Variants in SLC4A10 observed in about 807,000 individuals in gnomAD.
SLC4A10 encodes sodium-driven chloride bicarbonate exchanger.
Under a neutral mutation model 137.7 loss-of-function variants are expected in SLC4A10, and 42 were observed. That is an observed-to-expected ratio of 0.30 (90% CI 0.24 to 0.39). The LOEUF (loss-of-function observed/expected upper bound fraction) is 0.39. Among genes scored for constraint, SLC4A10 ranks in the 10% least tolerant of loss-of-function variants. The pLI, the probability that SLC4A10 is intolerant of heterozygous loss-of-function variation, is 1.00. For synonymous variants in SLC4A10, 474 were observed against 464.1 expected (o/e 1.02, Z -0.27); for missense variants, 925 against 1,355.0 (o/e 0.68, Z 4.98).
Position 161,855,213 on chromosome 2 carries a change from T to C in SLC4A10, c.577+83T>C, listed in dbSNP as rs534588408. On this transcript the variant is annotated intron_variant, in intron 5 of 26. Transcript: ENST00000446997. ...TTTTCCTTATAATTCAATATACGTA[T>C]GAACTTTGGAAAACTAATTCTCATA... 4.6e-5 allele frequency: 61 copies of C among 1,336,718 alleles called. 1 individual carries two copies. In the South Asian group the frequency reaches 9.3e-4, roughly 20 times the overall value. The allele number at this position is 1,336,718 out of a possible 1,614,324, so 82.8% of individuals were successfully genotyped here.
intron 21 of SLC4A10, among the ~76,000 whole-genome samples, chr2:161,963,689 CTG>C (rs1697114595): frequency 6.6e-6 from 1 of 152,038 alleles, no homozygotes; most frequent in Non-Finnish European, 1.5e-5. Context: ...ATTAGCAAGT[CTG>C]TGAAAGTCAA....
intron 14 of SLC4A10, 142 bp downstream of exon 14, chr2:161,905,051 A>C (rs914278509): frequency 2.6e-6 from 2 of 763,736 alleles, no homozygotes; most frequent in African/African-American, 3.5e-5. Flanking sequence ...TTGCTTCATC[A>C]TGGGAATAGA....
At chr2:161,859,594 C>CTTTTCTTTTTTTTTTTTTTTTTTTTTTT (rs2060300861) in intron 5 of SLC4A10, among the ~76,000 whole-genome samples, 1 of 47,280 alleles carries the variant, frequency 2.1e-5, no homozygotes, top group East Asian at 8.3e-4. Context: ...CTTTTCTTTT[C>CTTTTCTTTTTTTTTTTTTTTTTTTTTTT]TTTTTTTTTT....
At chr2:161,882,579 T>TA (rs1156623374) in intron 10 of SLC4A10, 135 bp downstream of exon 10, 2 of 479,142 alleles carry the variant, frequency 4.2e-6, no homozygotes, top group African/African-American at 2.0e-5. Flanking sequence ...GCTTCTGCTA[T>TA]AAAATCTCCT....
At chr2:161,824,221 G>A (rs1477612042) in intron 3 of SLC4A10, among the ~76,000 whole-genome samples, 2 of 152,108 alleles carry the variant, frequency 1.3e-5, no homozygotes, top group African/African-American at 4.8e-5. Flanking sequence ...GGTTTTGTAA[G>A]GACCTTTAAG....
At chr2:161,709,456 A>G (rs2044049034) in intron 1 of SLC4A10, among the ~76,000 whole-genome samples, 1 of 151,572 alleles carries the variant, frequency 6.6e-6, no homozygotes, top group Admixed American at 6.6e-5. Context: ...AGATCTATTG[A>G]AATATTGATG....
At chr2:161,921,344 T>C (rs1688093600) in intron 15 of SLC4A10, among the ~76,000 whole-genome samples, 1 of 152,138 alleles carries the variant, frequency 6.6e-6, no homozygotes. Flanking sequence ...TTAAAAGTTC[T>C]AATAAGTTTT....
At chr2:161,844,983 C>A (rs2059404690) in intron 4 of SLC4A10, among the ~76,000 whole-genome samples, 1 of 152,116 alleles carries the variant, frequency 6.6e-6, no homozygotes. Context: ...TCCCTCACAT[C>A]TCATTCATGC....
chr2:161,767,017 T>A (rs1574855025), intron 1 of SLC4A10, among the ~76,000 whole-genome samples: 1 of 145,830 alleles, frequency 6.9e-6, no homozygotes, highest in African/African-American at 2.5e-5. Flanking sequence ...GTATCTATAA[T>A]CCTTTACCTG....
chr2:161,893,093 T>C (rs758196296), intron 10 of SLC4A10, among the ~76,000 whole-genome samples: 4 of 152,084 alleles, frequency 2.6e-5, no homozygotes, highest in Non-Finnish European at 5.9e-5. Context: ...AAGTCACACA[T>C]TGGTACTCAT....
At position 161,804,547 on chromosome 2, in the gene SLC4A10, A is replaced by G; in HGVS notation, c.229A>G (p.Arg77Gly). 6.2e-7 allele frequency: 1 copy of G among 1,613,088 alleles called. No individual in the cohort carries two copies. The highest frequency in any genetic ancestry group is 8.5e-7 in the Non-Finnish European group (1 of 1,179,386). The part of the protein sequence containing the change: ...HRGHKHRKRD[R>G]ERDSGLEDGR... Reference sequence around the variant, plus strand: ...TGGTCATAAACACAGAAAGAGAGACAGAGAAAGAGATTCAGGATTAGAGGA... The same window carrying G: ...TGGTCATAAACACAGAAAGAGAGACGGAGAAAGAGATTCAGGATTAGAGGA... The change falls in exon 3 of 27, where the codon AGA becomes GGA. Residue 77 changes from arginine (R) to glycine (G), a missense_variant. Physicochemically the swap from Arg to Gly is moderately radical, Grantham distance 125. Coordinates refer to ENST00000446997, the MANE Select transcript of SLC4A10 (RefSeq NM_001178015.2).
intron 2 of SLC4A10, among the ~76,000 whole-genome samples, chr2:161,771,412 G>C (rs998746076): frequency 5.9e-5 from 9 of 151,946 alleles, no homozygotes; most frequent in East Asian, 1.9e-4. Flanking sequence ...AGGACAGGAG[G>C]GGGAGGGGCA....
At chr2:161,645,199 C>T (rs1024158610) in intron 1 of SLC4A10, among the ~76,000 whole-genome samples, 3 of 147,124 alleles carry the variant, frequency 2.0e-5, no homozygotes, top group South Asian at 2.2e-4. Context: ...TTGACATCCA[C>T]GTGTTGGAAG....
intron 1 of SLC4A10, among the ~76,000 whole-genome samples, chr2:161,723,423 G>C (rs1190683965): frequency 6.6e-6 from 1 of 152,146 alleles, no homozygotes; most frequent in Non-Finnish European, 1.5e-5. Flanking sequence ...GAAGGTGCAG[G>C]ATTCACTTGT....
rs891260212 is a variant in SLC4A10 at position 161,982,897 on chromosome 2, T to C, written c.*27-282T>C. Among the ~76,000 whole-genome samples the C allele has an allele frequency of 2.0e-5, 3 of 152,218 alleles. No individual in the cohort carries two copies. The South Asian group carries it at 6.2e-4, about 32-fold the overall frequency. On this transcript the variant is annotated intron_variant, in intron 26 of 26. Transcript: ENST00000446997. Reference sequence around the variant, plus strand: ...TCACTTGCCCAAATGAGGACCATGGTATTAATCTTGCATGTTTTTGGAACT... The same window carrying C: ...TCACTTGCCCAAATGAGGACCATGGCATTAATCTTGCATGTTTTTGGAACT...
At chr2:161,774,499 G>T (rs941023973) in intron 2 of SLC4A10, among the ~76,000 whole-genome samples, 3 of 151,768 alleles carry the variant, frequency 2.0e-5, no homozygotes, top group African/African-American at 7.3e-5. Flanking sequence ...AGTTGCCAGA[G>T]GTGTTGCCTG....
intron 15 of SLC4A10, among the ~76,000 whole-genome samples, chr2:161,915,427 CT>C (rs76631072): frequency 0.067 from 10,208 of 152,224 alleles, 447 homozygotes; most frequent in East Asian, 0.13. Context: ...CTTTTCAAAA[CT>C]TTTGTGCCTG....
chr2:161,642,329 A>G (rs1210363597), intron 1 of SLC4A10, among the ~76,000 whole-genome samples: 1 of 151,978 alleles, frequency 6.6e-6, no homozygotes, highest in Non-Finnish European at 1.5e-5. Context: ...TTGAAAAAAT[A>G]CATTTTTTTC....
intron 13 of SLC4A10, among the ~76,000 whole-genome samples, chr2:161,904,388 A>T (rs1683843612): frequency 6.6e-6 from 1 of 152,118 alleles, no homozygotes; most frequent in African/African-American, 2.4e-5. Context: ...TGAGTCTTAC[A>T]AAAGGTTCTC....
Sources: allele counts gnomAD v4.1 joint callset (sites outside exome capture counted in the v4.1 genomes callset), GRCh38; gene constraint gnomAD v4.1.1; transcripts MANE v1.5; gene names NCBI Gene and HGNC (gene_info 2026-07-23, HGNC 2026-07-21).